AP2A2: variants seen among roughly 807,000 people sequenced by gnomAD.
The protein encoded by AP2A2 is adaptor related protein complex 2 subunit alpha 2.
Under a neutral mutation model 104.2 loss-of-function variants are expected in AP2A2, and 32 were observed. The observed-to-expected ratio is 0.31, with a 90% CI of 0.23 to 0.41. The LOEUF (loss-of-function observed/expected upper bound fraction) is 0.41, where lower values mean the gene tolerates loss of function less well. AP2A2 is among the 10% of genes least tolerant of loss of function. The pLI is 1.00. For synonymous variants in AP2A2, 539 were observed against 533.3 expected (o/e 1.01, Z -0.15); for missense variants, 912 against 1,261.0 (o/e 0.72, Z 4.19).
intron 17 of AP2A2, chr11:1,006,853 A>G (rs566978688): frequency 5.8e-6 from 3 of 521,534 alleles, no homozygotes; most frequent in South Asian, 2.5e-5. Context: ...TACCGTGTAC[A>G]TGCCTCCTCC....
At position 925,914 on chromosome 11, in the gene AP2A2, C is replaced by A. The variant is rs1853101929; in HGVS notation, c.-108C>A. The A allele has an allele frequency of 2.4e-6, 2 of 847,462 alleles. No individual in the cohort carries two copies. Among genetic ancestry groups the A allele is most frequent in the Admixed American group, 4.5e-5 (1 of 22,414 alleles). 52.5% of individuals were successfully genotyped at this position (847,462 alleles called of 1,614,324 possible). ...CTGAGGCGGCCGTGGTTAGGCGGCT[C>A]CCCGGCGGCTCCTCCGCGGCGGTGA... is the stretch of plus-strand genomic sequence containing the variant. On this transcript the variant is annotated 5_prime_UTR_variant, in exon 1 of 22. Transcript: ENST00000448903.
intron 1 of AP2A2, among the ~76,000 whole-genome samples, chr11:934,940 CCT>C (rs1164663834): frequency 1.3e-5 from 2 of 151,856 alleles, no homozygotes; most frequent in East Asian, 1.9e-4. Context: ...TTAACCGCAG[CCT>C]CTGTCTCCTG....
rs533945596 is a variant in AP2A2 at position 943,918 on chromosome 11, T to G, written c.68-15519T>G. ...CAGGTGGCAGCGGAGATGGCGAGAG[T>G]AAGAGAGTCCCGACCGGAGACGCAG... On this transcript the variant is annotated intron_variant, in intron 1 of 21. Coordinates refer to ENST00000448903, the MANE Select transcript of AP2A2 (RefSeq NM_012305.4). Among the ~76,000 whole-genome samples the G allele has an allele frequency of 3.7e-3, 497 of 132,614 alleles. 4 individuals are homozygous for G. The highest frequency in any genetic ancestry group is 9.2e-3 in the Admixed American group (117 of 12,668). 87.0% of individuals were successfully genotyped at this position (132,614 alleles called of 152,430 possible).
At chr11:939,863 G>A (rs10794347) in intron 1 of AP2A2, among the ~76,000 whole-genome samples, 76,918 of 151,282 alleles carry the variant, frequency 0.51, 20,134 homozygotes, top group Middle Eastern at 0.66. Flanking sequence ...ATGTCTGAAA[G>A]TACTGTTCTC....
At chr11:1,006,807 T>C (rs1309348794) in intron 17 of AP2A2, 190 bp downstream of exon 17, 3 of 575,222 alleles carry the variant, frequency 5.2e-6, no homozygotes. Flanking sequence ...CAGTCTTCCA[T>C]ATTGGAGAGC....
intron 8 of AP2A2, 146 bp from the exon 9 acceptor site, chr11:986,639 C>T (rs1269764550): frequency 2.7e-5 from 27 of 1,014,074 alleles, no homozygotes; most frequent in Non-Finnish European, 3.7e-5. Flanking sequence ...GGGAGGCCCC[C>T]GAGTTCCCAC....
intron 8 of AP2A2, 58 bp downstream of exon 8, chr11:985,640 G>T: frequency 6.2e-7 from 1 of 1,605,648 alleles, no homozygotes; most frequent in Non-Finnish European, 8.5e-7. Flanking sequence ...GTTCCTTCTC[G>T]TTGGCACGAG....
intron 1 of AP2A2, among the ~76,000 whole-genome samples, chr11:929,271 G>C (rs1853213600): frequency 1.3e-5 from 2 of 152,156 alleles, no homozygotes; most frequent in South Asian, 4.1e-4. Context: ...TTCCTGTCAT[G>C]AGAGTGAATG....
rs756206631 is a variant in AP2A2, at chr11:984,792, C to T, written c.814+39C>T. The T allele has an allele frequency of 2.4e-5, 35 of 1,446,498 alleles. No homozygotes were observed. The Admixed American group carries it at 5.7e-4, about 24-fold the overall frequency. The allele number at this position is 1,446,498 out of a possible 1,614,324, so 89.6% of individuals were successfully genotyped here. Reference sequence around the variant, plus strand: ...CGCGGCTCCTGAAGCTGCACCAGTGCCAGTCTGATTCCCTGTCTCAGATTT... The same window carrying T: ...CGCGGCTCCTGAAGCTGCACCAGTGTCAGTCTGATTCCCTGTCTCAGATTT... On this transcript the variant is annotated intron_variant, in intron 7 of 21. Transcript: ENST00000448903.
Position 1,003,795 on chromosome 11 carries a change from C to T in AP2A2, c.2197C>T (p.Gln733Ter). The change falls in exon 16 of 22, where the codon CAG (glutamine) becomes TAG (stop). Residue 733 changes from glutamine (Q) to a stop codon, truncating the protein, a stop_gained. Coordinates refer to ENST00000448903, the MANE Select transcript of AP2A2 (RefSeq NM_012305.4). LOFTEE classifies it high-confidence loss of function. ...AATTGGACTTAAGTCTGAATTTCGG[C>T]AGAATTTAGGTATGTGTTTTAATTA... is the stretch of plus-strand genomic sequence containing the variant. ...LQIGLKSEFR[Q>*]NLGRMFIFYG... 1 of 1,600,884 alleles carries T rather than the reference C, an allele frequency of 6.2e-7. No individual in the cohort carries two copies. Among genetic ancestry groups the T allele is most frequent in the Non-Finnish European group, 8.5e-7 (1 of 1,172,842 alleles).
At chr11:938,057 C>T (rs1853521309) in intron 1 of AP2A2, among the ~76,000 whole-genome samples, 1 of 152,220 alleles carries the variant, frequency 6.6e-6, no homozygotes, top group Admixed American at 6.5e-5. Context: ...AAACAAAACG[C>T]ATGCTTATTG....
At chr11:955,023 G>A (rs1854190592) in intron 1 of AP2A2, among the ~76,000 whole-genome samples, 2 of 152,138 alleles carry the variant, frequency 1.3e-5, no homozygotes, top group Non-Finnish European at 2.9e-5. Context: ...TTAGATCTGA[G>A]CTCTGTTGAT....
At chr11:988,859 TGTG>T (rs1022554423) in intron 10 of AP2A2, 170 bp downstream of exon 10, 3 of 923,104 alleles carry the variant, frequency 3.2e-6, no homozygotes, top group Non-Finnish European at 4.8e-6. Flanking sequence ...TCAAGCTGGG[TGTG>T]GTGGCACCTG....
intron 10 of AP2A2, among the ~76,000 whole-genome samples, chr11:988,994 TA>T (rs888444512): frequency 6.6e-6 from 1 of 151,188 alleles, no homozygotes; most frequent in African/African-American, 2.4e-5. Context: ...GACCCTGTCT[TA>T]AAAAAAAATC....
intron 4 of AP2A2, 87 bp from the exon 5 acceptor site, chr11:977,008 G>GTC: frequency 6.4e-7 from 1 of 1,567,746 alleles, no homozygotes; most frequent in Non-Finnish European, 8.7e-7. Flanking sequence ...CCACCCCCGC[G>GTC]TCTCCTGCTG....
chr11:981,328 C>T (rs1855231191), intron 6 of AP2A2, 29 bp downstream of exon 6: 1 of 1,527,138 alleles, frequency 6.5e-7, no homozygotes, highest in Admixed American at 1.8e-5. Flanking sequence ...GAGCAGAAGT[C>T]AGGGTGGGTT....
At chr11:957,245 C>T (rs114729008) in intron 1 of AP2A2, among the ~76,000 whole-genome samples, 1 of 152,352 alleles carries the variant, frequency 6.6e-6, no homozygotes, top group South Asian at 2.1e-4. Context: ...CCATGTCCCT[C>T]CAGGGATCCC....
rs7480746 is a variant in AP2A2 at position 968,712 on chromosome 11, C to T, written c.137-1457C>T. ...CAGCCCGTGCTCAGCTGTGTGTGCC[C>T]TCCTGCACAAACAGGGCACGGAGAA... On this transcript the variant is annotated intron_variant, in intron 2 of 21. Coordinates refer to ENST00000448903, the MANE Select transcript of AP2A2 (RefSeq NM_012305.4). This position sits in a 1 kb window ranked among gnomAD's most constrained non-coding sequence, Gnocchi z 4.2. Among the ~76,000 whole-genome samples the T allele has an allele frequency of 0.043, 6,531 of 151,808 alleles. 221 individuals are homozygous for T. The highest frequency in any genetic ancestry group is 0.064 in the Non-Finnish European group (4,370 of 67,900).
At chr11:936,285 T>G (rs1483117680) in intron 1 of AP2A2, among the ~76,000 whole-genome samples, 1 of 145,482 alleles carries the variant, frequency 6.9e-6, no homozygotes, top group African/African-American at 2.5e-5. Context: ...TGATCACAGC[T>G]CACTGCAGCT....
Sources: gnomAD v4.1 joint callset for allele counts (sites outside exome capture counted in the v4.1 genomes callset) on GRCh38, gnomAD v4.1.1 for gene constraint, Gnocchi (gnomAD v3.1) non-coding constraint, MANE v1.5 for transcripts, NCBI Gene and HGNC (gene_info 2026-07-23, HGNC 2026-07-21) for gene names.